STK32A: variants seen among roughly 807,000 people sequenced by gnomAD.
The protein encoded by STK32A is serine/threonine-protein kinase 32A.
STK32A carries 41 observed loss-of-function variants against 53.2 expected under a neutral mutation model. The observed-to-expected ratio is 0.77, with a 90% CI of 0.60 to 1.00. The LOEUF (loss-of-function observed/expected upper bound fraction) is 1.00, where lower values mean the gene tolerates loss of function less well. Among genes scored for constraint, STK32A ranks in the 50% least tolerant of loss-of-function variants. The pLI, the probability that STK32A is intolerant of heterozygous loss-of-function variation, is 0.00. For synonymous variants in STK32A, 166 were observed against 162.8 expected (o/e 1.02, Z -0.15); for missense variants, 458 against 485.8 (o/e 0.94, Z 0.54).
At chr5:147,258,924 A>T (rs112236816) in intron 2 of STK32A, among the ~76,000 whole-genome samples, 4 of 139,628 alleles carry the variant, frequency 2.9e-5, no homozygotes, top group African/African-American at 1.0e-4. Context: ...GCTTTTTTTT[A>T]TTATTATTAT....
chr5:147,361,469 A>C, intron 7 of STK32A, 48 bp from the exon 8 acceptor site: 1 of 1,212,862 alleles, frequency 8.2e-7, no homozygotes, highest in Non-Finnish European at 1.2e-6. Context: ...AAAATATAAT[A>C]CTAATGTCTC....
rs775488705 is a variant in STK32A, at chr5:147,370,669, C to A, written c.676C>A (p.Arg226Ser). 9.9e-6 allele frequency: 16 copies of A among 1,609,286 alleles called. No individual in the cohort carries two copies. The South Asian group carries it at 1.8e-4, about 18-fold the overall frequency. ...LLRGRRPYHIRSSTSSKEIVH... is the reference protein window; with the variant it reads ...LLRGRRPYHISSSTSSKEIVH... ...CTCCCTTAAGAGACCGTATCATATT[C>A]GCTCCAGTACTTCCAGCAAGGAAAT... Residue 226 changes from arginine (R) to serine (S), a missense_variant, in exon 9 of 13, where the codon CGC becomes AGC. Coordinates refer to ENST00000397936, the MANE Select transcript of STK32A (RefSeq NM_001112724.2).
chr5:147,401,435 G>T, the STK32A span: 1 of 1,316,342 alleles, frequency 7.6e-7, no homozygotes, highest in Non-Finnish European at 1.0e-6. Flanking sequence ...TCACACTGCA[G>T]ACTCTGGTCA....
chr5:147,376,121 A>T (rs1487931121), intron 11 of STK32A, among the ~76,000 whole-genome samples: 1 of 151,988 alleles, frequency 6.6e-6, no homozygotes, highest in African/African-American at 2.4e-5. Context: ...TGTGGTAAAG[A>T]TGGCTCTGCA....
In STK32A at chr5:147,239,699, G is replaced by C. The variant is rs1288920609; in HGVS notation, c.52+13G>C. 6.9e-6 allele frequency: 11 copies of C among 1,593,042 alleles called. No homozygotes were observed. In the East Asian group the frequency reaches 2.5e-4, roughly 36 times the overall value. On this transcript the variant is annotated intron_variant, in intron 2 of 12. Transcript: ENST00000397936. ...GAAAATGAAGATGGTAAGAAATATGGGATAGTGGCATATAAAAAATAGAAT... is the reference window on the plus strand; with the variant it reads ...GAAAATGAAGATGGTAAGAAATATGCGATAGTGGCATATAAAAAATAGAAT...
intron 8 of STK32A, among the ~76,000 whole-genome samples, chr5:147,368,039 G>C (rs926761072): frequency 1.3e-5 from 2 of 152,170 alleles, no homozygotes; most frequent in East Asian, 3.9e-4. Flanking sequence ...AAATGTGCTC[G>C]AAAACATTCT....
intron 2 of STK32A, among the ~76,000 whole-genome samples, chr5:147,276,449 T>C (rs1755265294): frequency 6.6e-6 from 1 of 152,312 alleles, no homozygotes; most frequent in Non-Finnish European, 1.5e-5. Flanking sequence ...CATTAATGGG[T>C]TTTGACTCAC....
In STK32A at chr5:147,383,917, A is replaced by T. The variant is rs1757552173; in HGVS notation, c.1125A>T (p.Gln375His). The T allele has an allele frequency of 1.2e-6, 2 of 1,600,920 alleles. No homozygotes were observed. The highest frequency in any genetic ancestry group is 1.7e-6 in the Non-Finnish European group (2 of 1,174,008). Residue 375 changes from glutamine to histidine, a missense_variant, in exon 13 of 13, where the codon CAA (glutamine) becomes CAT (histidine). Transcript: ENST00000397936. ...TAAACAGGGACTTTAACAAAAGACA[A>T]CCAAATCTAGCCTTGGAACAAACCA... ...EKVNRDFNKR[Q>H]PNLALEQTKD... is the part of the protein sequence containing the mutation.
rs35848112 is a variant in STK32A at position 147,249,908 on chromosome 5, CAAAAA to C, written c.52+10242_52+10246del. On this transcript the variant is annotated intron_variant, in intron 2 of 12. Coordinates refer to ENST00000397936, the MANE Select transcript of STK32A (RefSeq NM_001112724.2). The stretch of plus-strand genomic sequence containing the variant: ...TGGGCAACAGAGTAAGCCTCTGTCT[CAAAAA>C]AAAAAAAAAAAAAAAAAAAGTGGCC... Among the ~76,000 whole-genome samples, 14 of 58,578 alleles carry C rather than the reference CAAAAA, an allele frequency of 2.4e-4. No individual in the cohort carries two copies. The Admixed American group carries it at 3.1e-3, about 13-fold the overall frequency. The allele number at this position is 58,578 out of a possible 152,430, so 38.4% of individuals were successfully genotyped here. A position where few individuals can be genotyped will look rare whatever the true frequency, so the allele number is the denominator to read the frequency against.
chr5:147,330,431 A>G (rs1479637010), intron 5 of STK32A, among the ~76,000 whole-genome samples: 1 of 152,248 alleles, frequency 6.6e-6, no homozygotes, highest in African/African-American at 2.4e-5. Context: ...AATGTCGGTT[A>G]GAAACAAACC....
chr5:147,343,299 TTTC>T (rs1340799849), intron 6 of STK32A: 1 of 656,184 alleles, frequency 1.5e-6, no homozygotes, highest in Non-Finnish European at 2.8e-6. Flanking sequence ...CACTACTATA[TTTC>T]TTCAAGAAAA....
At chr5:147,344,449 T>C (rs1755586338) in intron 6 of STK32A, among the ~76,000 whole-genome samples, 1 of 152,194 alleles carries the variant, frequency 6.6e-6, no homozygotes, top group East Asian at 1.9e-4. Flanking sequence ...AATGGTGAGA[T>C]TTAGCATGAA....
At chr5:147,256,089 A>G (rs1754223541) in intron 2 of STK32A, among the ~76,000 whole-genome samples, 1 of 152,148 alleles carries the variant, frequency 6.6e-6, no homozygotes, top group Admixed American at 6.5e-5. Context: ...GGTCCACCAC[A>G]ATACCACCAC....
chr5:147,396,918 C>T, the STK32A span, among the ~76,000 whole-genome samples: 28 of 146,378 alleles, frequency 1.9e-4, no homozygotes, highest in African/African-American at 6.5e-4. Flanking sequence ...ACAATAAATA[C>T]AATAAATATA....
chr5:147,320,518 A>T (rs1270559383), intron 4 of STK32A, among the ~76,000 whole-genome samples: 1 of 152,222 alleles, frequency 6.6e-6, no homozygotes, highest in Non-Finnish European at 1.5e-5. Flanking sequence ...GTACTGAGGC[A>T]ACAATGGTGA....
At chr5:147,373,334 T>C (rs1191507373) in intron 10 of STK32A, 40 bp downstream of exon 10, 8 of 1,609,376 alleles carry the variant, frequency 5.0e-6, no homozygotes, top group African/African-American at 1.3e-5. Flanking sequence ...TCCCATTCAG[T>C]GCGCATTACC....
At chr5:147,383,227 C>A (rs1175718134) in intron 11 of STK32A, 2 of 580,250 alleles carry the variant, frequency 3.4e-6, no homozygotes, top group Non-Finnish European at 6.1e-6. Context: ...TCTGCCAGTG[C>A]AATCGCTGTC....
At chr5:147,300,653 C>T (rs112879204) in intron 4 of STK32A, among the ~76,000 whole-genome samples, 13 of 152,322 alleles carry the variant, frequency 8.5e-5, no homozygotes, top group African/African-American at 2.6e-4. Context: ...TTTGCACACT[C>T]ACAAACATAC....
intron 5 of STK32A, among the ~76,000 whole-genome samples, chr5:147,328,551 AC>A (rs1290006068): frequency 3.3e-5 from 5 of 152,174 alleles, no homozygotes; most frequent in East Asian, 3.8e-4. Flanking sequence ...AAGAAGTCAA[AC>A]TTTTTGTGTG....
Sources: allele counts gnomAD v4.1 joint callset (sites outside exome capture counted in the v4.1 genomes callset), GRCh38; gene constraint gnomAD v4.1.1; transcripts MANE v1.5; gene names NCBI Gene and HGNC (gene_info 2026-07-23, HGNC 2026-07-21).